LOC112694756: variants seen among roughly 807,000 people sequenced by gnomAD.
At chr16:30,064,282 A>G in the LOC112694756 span, 1 of 394,076 alleles carries the variant, frequency 2.5e-6, no homozygotes, top group South Asian at 1.4e-4. Context: ...TCTCCTTCTT[A>G]AAAAAAACCA....
chr16:30,067,118 G>A, the LOC112694756 span: 8 of 1,573,524 alleles, frequency 5.1e-6, no homozygotes, highest in South Asian at 8.0e-5. Flanking sequence ...CCTGCTGGGT[G>A]TGGGGCAGGG....
chr16:30,070,112 C>T, the LOC112694756 span: 3 of 1,614,000 alleles, frequency 1.9e-6, no homozygotes, highest in East Asian at 2.2e-5. Flanking sequence ...CCTCTCCCTG[C>T]TTAGGCCAAC....
the LOC112694756 span, chr16:30,067,442 A>C: frequency 1.2e-6 from 2 of 1,612,754 alleles, no homozygotes; most frequent in African/African-American, 1.3e-5. Context: ...CCCATGTGAC[A>C]CTCCCAGGGA....
chr16:30,058,158 A>G, the LOC112694756 span, among the ~76,000 whole-genome samples: 18 of 152,186 alleles, frequency 1.2e-4, no homozygotes, highest in South Asian at 4.1e-4. Flanking sequence ...AGAACTTTCA[A>G]ACCTGGAGAC....
chr16:30,064,155 A>T, the LOC112694756 span: 2 of 398,448 alleles, frequency 5.0e-6, no homozygotes, highest in Non-Finnish European at 8.8e-6. Context: ...CTCACCACAC[A>T]CAAGTGTTAT....
the LOC112694756 span, among the ~76,000 whole-genome samples, chr16:30,059,219 C>T: frequency 0.072 from 10,934 of 152,092 alleles, 580 homozygotes; most frequent in South Asian, 0.24. Flanking sequence ...TCTTTCAGGC[C>T]GGGTGCGGTG....
the LOC112694756 span, among the ~76,000 whole-genome samples, chr16:30,058,675 T>C: frequency 1.2e-3 from 176 of 152,000 alleles, 1 homozygote; most frequent in Non-Finnish European, 1.9e-3. Context: ...TTAGTAGAGA[T>C]GGGGTTTCGT....
At chr16:30,058,346 C>A in the LOC112694756 span, among the ~76,000 whole-genome samples, 2 of 152,138 alleles carry the variant, frequency 1.3e-5, no homozygotes, top group Non-Finnish European at 2.9e-5. Flanking sequence ...TGCCACTTGG[C>A]AGCTGTAGAC....
the LOC112694756 span, among the ~76,000 whole-genome samples, chr16:30,065,371 C>T: frequency 3.9e-5 from 6 of 152,136 alleles, no homozygotes; most frequent in African/African-American, 1.4e-4. Context: ...CCCCGGGCCG[C>T]GCGCGCTGGG....
At chr16:30,069,969 C>T in the LOC112694756 span, 2 of 1,613,954 alleles carry the variant, frequency 1.2e-6, no homozygotes, top group Non-Finnish European at 1.7e-6. Context: ...CCCTGAAGGC[C>T]TGGGGCGGGA....
the LOC112694756 span, chr16:30,067,183 T>C: frequency 6.2e-7 from 1 of 1,610,612 alleles, no homozygotes; most frequent in South Asian, 1.1e-5. Context: ...CATCGGGAGA[T>C]GATGGGAAAC....
the LOC112694756 span, chr16:30,069,879 C>T: frequency 6.2e-7 from 1 of 1,614,174 alleles, no homozygotes; most frequent in South Asian, 1.1e-5. Flanking sequence ...CGTCCATCAA[C>T]CTCAATGCCA....
the LOC112694756 span, chr16:30,067,131 G>C: frequency 7.6e-6 from 12 of 1,581,536 alleles, no homozygotes; most frequent in Admixed American, 1.3e-4. Flanking sequence ...GGGCAGGGGA[G>C]GTAGGGAACA....
chr16:30,067,705 A>T, the LOC112694756 span: 1 of 1,609,870 alleles, frequency 6.2e-7, no homozygotes, highest in Non-Finnish European at 8.5e-7. Context: ...ATGGAAGTGG[A>T]GGAAGGAAAT....
chr16:30,068,201 ACTACAGGCGCCCGCCACCACCCGG>A, the LOC112694756 span: 1 of 317,286 alleles, frequency 3.2e-6, no homozygotes, highest in East Asian at 8.5e-5. Context: ...AGTAGCTGGG[ACTACAGGCGCCCGCCACCACCCGG>A]CTAATTTTTT....
chr16:30,067,390 T>G, the LOC112694756 span: 3 of 1,613,630 alleles, frequency 1.9e-6, no homozygotes, highest in African/African-American at 2.7e-5. Flanking sequence ...ACAGAATGGG[T>G]GGAGGGTGCA....
the LOC112694756 span, chr16:30,064,587 A>G: frequency 1.9e-4 from 74 of 398,318 alleles, no homozygotes; most frequent in African/African-American, 1.4e-3. Context: ...GCCCCACGAT[A>G]GTGTGAATGT....
At chr16:30,062,717 T>C in the LOC112694756 span, among the ~76,000 whole-genome samples, 4 of 151,838 alleles carry the variant, frequency 2.6e-5, no homozygotes, top group Non-Finnish European at 2.9e-5. Context: ...GGCACATGCC[T>C]GTAATCCCAC....
the LOC112694756 span, chr16:30,067,891 G>A: frequency 1.7e-6 from 1 of 596,514 alleles, no homozygotes; most frequent in Non-Finnish European, 3.0e-6. Flanking sequence ...GAAGTGTTTT[G>A]CTCAGAGTAA....
Sources: allele counts gnomAD v4.1 joint callset (sites outside exome capture counted in the v4.1 genomes callset), GRCh38; gene constraint gnomAD v4.1.1; transcripts MANE v1.5.